MTMR12: variants seen among roughly 807,000 people sequenced by gnomAD.
MTMR12 encodes myotubularin-related protein 12.
Under a neutral mutation model 96.7 loss-of-function variants are expected in MTMR12, and 33 were observed. The observed-to-expected ratio is 0.34, with a 90% CI of 0.26 to 0.46. The LOEUF is 0.46. Ranked by LOEUF, MTMR12 falls within the 20% of genes least tolerant of loss-of-function variation. MTMR12 has a pLI of 1.00. For missense variants in MTMR12, 721 were observed against 896.1 expected (o/e 0.80, Z 2.49); for synonymous variants, 298 against 327.2 (o/e 0.91, Z 0.96).
chr5:32,262,926 G>C (rs976746758), intron 7 of MTMR12, among the ~76,000 whole-genome samples, 187 bp downstream of exon 7: 14 of 152,212 alleles, frequency 9.2e-5, no homozygotes, highest in African/African-American at 3.4e-4. Flanking sequence ...TAGGACTGGG[G>C]AAGAAAGAGA....
chr5:32,261,777 A>G (rs962231377), intron 7 of MTMR12, among the ~76,000 whole-genome samples: 2 of 152,266 alleles, frequency 1.3e-5, no homozygotes, highest in African/African-American at 4.8e-5. Context: ...GTGCTCAATA[A>G]AAGGGAAGAA....
intron 11 of MTMR12, 104 bp from the exon 12 acceptor site, chr5:32,242,231 C>G: frequency 1.5e-6 from 1 of 655,130 alleles, no homozygotes; most frequent in Non-Finnish European, 2.4e-6. Context: ...AGTCTTCTCT[C>G]TTATTTTTTT....
At chr5:32,298,650 G>A (rs1751013799) in intron 1 of MTMR12, among the ~76,000 whole-genome samples, 1 of 152,092 alleles carries the variant, frequency 6.6e-6, no homozygotes, top group East Asian at 1.9e-4. Flanking sequence ...TAGAGTGCCA[G>A]AGAAGAACAA....
intron 8 of MTMR12, among the ~76,000 whole-genome samples, 192 bp downstream of exon 8, chr5:32,255,501 T>C (rs1401867134): frequency 6.6e-6 from 1 of 152,202 alleles, no homozygotes; most frequent in African/African-American, 2.4e-5. Context: ...CTCAAGTGCA[T>C]TTGTGAAAAC....
intron 15 of MTMR12, chr5:32,232,907 G>C (rs1468783509): frequency 1.1e-6 from 1 of 933,580 alleles, no homozygotes; most frequent in Non-Finnish European, 1.3e-6. Context: ...CTCCAGATCA[G>C]GCAGGATAAG....
intron 10 of MTMR12, 118 bp downstream of exon 10, chr5:32,247,884 C>A: frequency 1.4e-6 from 2 of 1,459,658 alleles, no homozygotes; most frequent in Non-Finnish European, 9.1e-7. Context: ...GACATCACAG[C>A]CCTGGGCTCT....
At chr5:32,246,367 A>G (rs1748688615) in intron 10 of MTMR12, among the ~76,000 whole-genome samples, 2 of 152,052 alleles carry the variant, frequency 1.3e-5, no homozygotes, top group African/African-American at 4.8e-5. Context: ...TCGCCATGTT[A>G]GCCGGGCTGG....
intron 10 of MTMR12, among the ~76,000 whole-genome samples, chr5:32,247,084 T>G (rs1295339568): frequency 6.6e-6 from 1 of 152,162 alleles, no homozygotes; most frequent in Non-Finnish European, 1.5e-5. Context: ...AGGCAGCGGC[T>G]CATGCCTATA....
intron 9 of MTMR12, 88 bp from the exon 10 acceptor site, chr5:32,248,214 C>T (rs1748774878): frequency 1.4e-6 from 2 of 1,410,208 alleles, no homozygotes; most frequent in Admixed American, 1.9e-5. Flanking sequence ...GTGTTAAGGG[C>T]TCAGTAGGCA....
At chr5:32,288,646 G>T (rs1458569744) in intron 1 of MTMR12, among the ~76,000 whole-genome samples, 1 of 152,194 alleles carries the variant, frequency 6.6e-6, no homozygotes. Flanking sequence ...CATAGAGTTG[G>T]ATCAGGCTAA....
At chr5:32,255,612 C>A (rs1298850689) in intron 8 of MTMR12, 81 bp downstream of exon 8, 2 of 1,310,018 alleles carry the variant, frequency 1.5e-6, no homozygotes. Context: ...AGAACAAAAG[C>A]CAAGGGCTTT....
intron 1 of MTMR12, among the ~76,000 whole-genome samples, chr5:32,285,596 C>A (rs746976397): frequency 1.3e-5 from 2 of 152,098 alleles, no homozygotes; most frequent in Non-Finnish European, 2.9e-5. Context: ...CCCTACAGTT[C>A]AAAAGAAACT....
Position 32,312,791 on chromosome 5 carries a change from G to T in MTMR12, c.48C>A (p.Pro16=). 6.5e-7 allele frequency: 1 copy of T among 1,533,804 alleles called. No homozygotes were observed. Among genetic ancestry groups the T allele is most frequent in the Non-Finnish European group, 8.7e-7 (1 of 1,143,528 alleles). ...VVGGGGGTKA[P]KPSFVSYVRP... is the part of the protein sequence containing the mutation. ...GTACGTACGACACGAAGGAGGGCTT[G>T]GGGGCCTTGGTGCCGCCGCCACCGC... The change falls in exon 1 of 16, where the codon CCC becomes CCA. Residue 16 remains proline (P), a synonymous_variant. Transcript: ENST00000382142. The surrounding 1 kb of genome is among the most constrained non-coding windows in gnomAD (Gnocchi z 5.0).
At chr5:32,288,901 G>A (rs529077001) in intron 1 of MTMR12, among the ~76,000 whole-genome samples, 12 of 152,210 alleles carry the variant, frequency 7.9e-5, no homozygotes, top group Non-Finnish European at 1.6e-4. Flanking sequence ...TCCCAGCTGG[G>A]AGGGTCCAGA....
At chr5:32,273,167 A>C (rs1749905804) in intron 3 of MTMR12, among the ~76,000 whole-genome samples, 2 of 152,194 alleles carry the variant, frequency 1.3e-5, no homozygotes, top group South Asian at 4.1e-4. Flanking sequence ...TGAGAGGCCA[A>C]AGCGGGTGGA....
At chr5:32,238,182 T>G (rs1177011403) in intron 13 of MTMR12, among the ~76,000 whole-genome samples, 2 of 133,110 alleles carry the variant, frequency 1.5e-5, no homozygotes, top group Admixed American at 1.5e-4. Flanking sequence ...ACTCTGAAAA[T>G]CTGAAATCAT....
In MTMR12 at chr5:32,229,827, T is replaced by C. The variant is rs1358155097; in HGVS notation, c.2195A>G (p.Asp732Gly). The change falls in exon 16 of 16, where the codon GAC becomes GGC. Residue 732 changes from aspartate to glycine, a missense_variant. Asp to Gly is a moderately conservative substitution (Grantham distance 94). Coordinates refer to ENST00000382142, the MANE Select transcript of MTMR12 (RefSeq NM_001040446.3). ...CTCATCTTCTCGTTTGGCCAAATCG[T>C]CTTCATCTCCCAAAGCTTTCCAGCC... is the stretch of plus-strand genomic sequence containing the variant. ...TSGWKALGDE[D>G]DLAKREDEFV... is the part of the protein sequence containing the mutation. 6 of 1,580,782 alleles carry C rather than the reference T, an allele frequency of 3.8e-6. No homozygotes were observed. Among genetic ancestry groups the C allele is most frequent in the Non-Finnish European group, 5.2e-6 (6 of 1,164,136 alleles).
At chr5:32,261,895 A>G (rs889238523) in intron 7 of MTMR12, among the ~76,000 whole-genome samples, 13 of 152,204 alleles carry the variant, frequency 8.5e-5, no homozygotes, top group African/African-American at 3.1e-4. Flanking sequence ...ACAGGGTGAA[A>G]CCCTGTCTCT....
intron 1 of MTMR12, among the ~76,000 whole-genome samples, chr5:32,293,873 C>T (rs1480547415): frequency 2.0e-5 from 3 of 152,200 alleles, no homozygotes; most frequent in South Asian, 2.1e-4. Context: ...ATCAGCTCAT[C>T]GCCACCCCTT....
Sources: gnomAD v4.1 joint callset for allele counts (sites outside exome capture counted in the v4.1 genomes callset) on GRCh38, gnomAD v4.1.1 for gene constraint, Gnocchi (gnomAD v3.1) non-coding constraint, MANE v1.5 for transcripts, NCBI Gene and HGNC (gene_info 2026-07-23, HGNC 2026-07-21) for gene names.